The following CTNNA3 variants were observed in gnomAD, a reference collection of about 807,000 sequenced individuals.
The protein encoded by CTNNA3 is catenin alpha-3.
In CTNNA3, 76 loss-of-function variants were observed where a neutral mutation model predicts 95.7. The observed-to-expected ratio is 0.79, with a 90% CI of 0.66 to 0.96. The LOEUF is 0.96. Among genes scored for constraint, CTNNA3 ranks in the 40% least tolerant of loss-of-function variants. CTNNA3 has a pLI of 0.00. For synonymous variants in CTNNA3, 431 were observed against 374.4 expected (o/e 1.15, Z -1.74); for missense variants, 1,191 against 1,089.8 (o/e 1.09, Z -1.31).
chr10:66,529,775 C>A (rs1841402583), intron 10 of CTNNA3, among the ~76,000 whole-genome samples: 1 of 151,946 alleles, frequency 6.6e-6, no homozygotes, highest in Non-Finnish European at 1.5e-5. Flanking sequence ...AATGGAGGCA[C>A]AAAGAGATGA....
chr10:66,544,598 TGTG>T (rs1841980900), intron 10 of CTNNA3, among the ~76,000 whole-genome samples: 1 of 152,182 alleles, frequency 6.6e-6, no homozygotes, highest in Non-Finnish European at 1.5e-5. Flanking sequence ...TTGATTATTC[TGTG>T]CCTTAAACTT....
rs1839205707 is a variant in CTNNA3, at chr10:67,500,843, G to A, written c.579+20999C>T. ...ACGTGCGATGGGTCTCCTGAATACA[G>A]CACACTATGTGTGCCTCTGCACGTG... On this transcript the variant is annotated intron_variant, in intron 5 of 17. Transcript: ENST00000433211. Among the ~76,000 whole-genome samples, 3 of 151,846 alleles carry A rather than the reference G, an allele frequency of 2.0e-5. No individual in the cohort carries two copies. In the South Asian group the frequency reaches 6.2e-4, roughly 32 times the overall value.
chr10:67,706,046 C>T (rs899793202), intron 1 of CTNNA3, among the ~76,000 whole-genome samples: 11 of 151,994 alleles, frequency 7.2e-5, no homozygotes, highest in African/African-American at 2.7e-4. Flanking sequence ...GAATGGCATG[C>T]AGGGGAGGGA....
chr10:66,457,308 C>T (rs527626733), intron 11 of CTNNA3, among the ~76,000 whole-genome samples: 2 of 152,090 alleles, frequency 1.3e-5, no homozygotes, highest in South Asian at 4.2e-4. Context: ...AACCACATGT[C>T]TAACACAGAA....
At chr10:66,451,024 C>A (rs546679435) in intron 11 of CTNNA3, among the ~76,000 whole-genome samples, 1 of 152,176 alleles carries the variant, frequency 6.6e-6, no homozygotes, top group Non-Finnish European at 1.5e-5. Context: ...TAGTAGATAT[C>A]ATCTATAGCT....
chr10:67,274,123 T>C lies in CTNNA3; in HGVS notation c.580-54253A>G, dbSNP rs530340490. On this transcript the variant is annotated intron_variant, in intron 5 of 17. Transcript: ENST00000433211. ...AAACAAATCAATCTATTGATAAGCATAAATTAGAGTAAAATAATTAAACTG... is the reference window on the plus strand; with the variant it reads ...AAACAAATCAATCTATTGATAAGCACAAATTAGAGTAAAATAATTAAACTG... Among the ~76,000 whole-genome samples the C allele has an allele frequency of 5.3e-5, 8 of 152,246 alleles. No individual in the cohort carries two copies. In the South Asian group the frequency reaches 1.7e-3, roughly 32 times the overall value.
chr10:66,826,400 C>T (rs766471692), intron 7 of CTNNA3, among the ~76,000 whole-genome samples: 4 of 152,146 alleles, frequency 2.6e-5, no homozygotes, highest in Non-Finnish European at 5.9e-5. Context: ...CTTCAGCCTC[C>T]TGAGTAGCTG....
intron 13 of CTNNA3, among the ~76,000 whole-genome samples, chr10:66,118,577 T>G (rs555998591): frequency 2.7e-4 from 41 of 152,310 alleles, no homozygotes; most frequent in African/African-American, 9.6e-4. Context: ...ATTCTTATCT[T>G]TCCACCTATT....
In CTNNA3 at chr10:66,360,362, G is replaced by A. The variant is rs150966938; in HGVS notation, c.1732+18790C>T. Among the ~76,000 whole-genome samples, 759 of 152,188 alleles carry A rather than the reference G, an allele frequency of 5.0e-3. 6 individuals are homozygous for A. The highest frequency in any genetic ancestry group is 7.5e-3 in the Admixed American group (114 of 15,276). On this transcript the variant is annotated intron_variant, in intron 12 of 17. Coordinates refer to ENST00000433211, the MANE Select transcript of CTNNA3 (RefSeq NM_013266.4). Reference sequence around the variant, plus strand: ...AATCATTTGTATATCTTCATTGTAGGAAAGGCAATGGCTTAAAGTGAAGTC... The same window carrying A: ...AATCATTTGTATATCTTCATTGTAGAAAAGGCAATGGCTTAAAGTGAAGTC...
intron 9 of CTNNA3, among the ~76,000 whole-genome samples, chr10:66,752,235 T>G (rs10733827): frequency 6.6e-6 from 1 of 152,052 alleles, no homozygotes; most frequent in African/African-American, 2.4e-5. Context: ...CTTGAATAAA[T>G]GGTAGACACA....
intron 15 of CTNNA3, among the ~76,000 whole-genome samples, chr10:66,007,537 C>G (rs1367631833): frequency 6.6e-6 from 1 of 152,090 alleles, no homozygotes. Flanking sequence ...TGTGAGTGAT[C>G]CTCCTTCTCA....
intron 6 of CTNNA3, among the ~76,000 whole-genome samples, chr10:67,199,219 C>T (rs984750018): frequency 4.6e-5 from 7 of 152,094 alleles, no homozygotes; most frequent in East Asian, 3.9e-4. Context: ...AAAACCAATA[C>T]GCTTCTGTGT....
At chr10:66,344,902 CA>C (rs1589118939) in intron 12 of CTNNA3, among the ~76,000 whole-genome samples, 1 of 151,524 alleles carries the variant, frequency 6.6e-6, no homozygotes, top group African/African-American at 2.4e-5. Context: ...AAGTATAAAG[CA>C]AAAAATGTTT....
At chr10:67,306,873 T>C (rs1165583135) in intron 5 of CTNNA3, among the ~76,000 whole-genome samples, 1 of 152,202 alleles carries the variant, frequency 6.6e-6, no homozygotes, top group Non-Finnish European at 1.5e-5. Context: ...CTGGCTTTCC[T>C]GGGAAGAGTA....
At chr10:67,086,162 T>G (rs527694069) in intron 7 of CTNNA3, among the ~76,000 whole-genome samples, 228 of 152,030 alleles carry the variant, frequency 1.5e-3, no homozygotes, top group African/African-American at 5.2e-3. Context: ...AACAGTATAT[T>G]TTTTTTCATA....
chr10:66,635,028 T>C (rs749120135), intron 9 of CTNNA3, among the ~76,000 whole-genome samples: 6 of 152,066 alleles, frequency 3.9e-5, no homozygotes, highest in Non-Finnish European at 8.8e-5. Context: ...TTTGGAACAA[T>C]ATATAACTGT....
At chr10:66,616,404 C>G (rs150886053) in intron 10 of CTNNA3, among the ~76,000 whole-genome samples, 2 of 152,050 alleles carry the variant, frequency 1.3e-5, no homozygotes, top group Non-Finnish European at 1.5e-5. Context: ...TTTTGCCCCT[C>G]GGGGCCCTTC....
chr10:66,248,571 C>CA (rs1246392527), intron 13 of CTNNA3, among the ~76,000 whole-genome samples: 5 of 150,686 alleles, frequency 3.3e-5, no homozygotes, highest in African/African-American at 9.7e-5. Context: ...CAATGGAAAC[C>CA]AAAAAAAAGA....
At chr10:66,685,946 C>G (rs997533702) in intron 9 of CTNNA3, among the ~76,000 whole-genome samples, 1 of 152,124 alleles carries the variant, frequency 6.6e-6, no homozygotes, top group Non-Finnish European at 1.5e-5. Flanking sequence ...CCTCCCAACT[C>G]TAAATTTTCA....
Sources: gnomAD v4.1 joint callset for allele counts (sites outside exome capture counted in the v4.1 genomes callset) on GRCh38, gnomAD v4.1.1 for gene constraint, MANE v1.5 for transcripts, NCBI Gene and HGNC (gene_info 2026-07-23, HGNC 2026-07-21) for gene names.